The following CACNG8 variants were observed in gnomAD, a reference collection of about 807,000 sequenced individuals.
CACNG8 encodes the protein calcium voltage-gated channel auxiliary subunit gamma 8.
Under a neutral mutation model 26.9 loss-of-function variants are expected in CACNG8, and 5 were observed. The observed-to-expected ratio is 0.19, with a 90% CI of 0.10 to 0.39. The LOEUF (loss-of-function observed/expected upper bound fraction) is 0.39, where lower values mean the gene tolerates loss of function less well. Ranked by LOEUF, CACNG8 falls within the 10% of genes least tolerant of loss-of-function variation. The probability of loss-of-function intolerance (pLI) is 1.00; values close to 1 mark genes in which losing one functional copy is unlikely to be tolerated. For synonymous variants in CACNG8, 321 were observed against 296.7 expected, an observed-to-expected ratio of 1.08 and a Z score of -0.84; for missense variants, 473 against 609.4, an observed-to-expected ratio of 0.78 and a Z score of 2.36.
rs2069376292 is a variant in CACNG8, at chr19:53,982,452, C to T, written c.881C>T (p.Pro294Leu). Residue 294 changes from proline (P) to leucine (L), a missense_variant, in exon 4 of 4, where the codon CCC becomes CTC. By Grantham distance (98) the Pro-to-Leu change is moderately conservative (BLOSUM62 -3). This residue lies in a region of CACNG8 where 212 missense variants were observed against 214.4 expected (regional missense o/e 0.99). Coordinates refer to ENST00000270458, the MANE Select transcript of CACNG8 (RefSeq NM_031895.6). The surrounding 1 kb of genome is among the most constrained non-coding windows in gnomAD (Gnocchi z 8.4). ...TCGCGGGACGCGTCTCCCGGCGGCC[C>T]CGGGGGCCCGGGCTTTGCCTCCACG... The T allele has an allele frequency of 1.3e-6, 2 of 1,516,772 alleles. No individual in the cohort carries two copies. The highest frequency in any genetic ancestry group is 1.8e-6 in the Non-Finnish European group (2 of 1,139,534). 94.0% of individuals were successfully genotyped at this position (1,516,772 alleles called of 1,614,324 possible).
rs560559675 is a variant in CACNG8 at position 53,980,069 on chromosome 19, T to C, written c.508+62T>C. ...ACCTGGGCGCGCACGTGTGTGTGTG[T>C]GTGTGTGTGTGTGTGTGCGCGCGCG... On this transcript the variant is annotated intron_variant, in intron 3 of 3. Transcript: ENST00000270458. The C allele has an allele frequency of 6.3e-6, 9 of 1,418,486 alleles. No individual in the cohort carries two copies. In the South Asian group the frequency reaches 1.2e-4, roughly 18 times the overall value. 87.9% of individuals were successfully genotyped at this position (1,418,486 alleles called of 1,614,324 possible).
At position 53,984,734 on chromosome 19, in the gene CACNG8, T is replaced by C. The variant is rs556386091; in HGVS notation, c.*1885T>C. 1 of 152,252 alleles carries C rather than the reference T, an allele frequency of 6.6e-6. No individual in the cohort carries two copies. The highest frequency in any genetic ancestry group is 6.6e-5 in the Admixed American group (1 of 15,262). The allele number at this position is 152,252 out of a possible 1,614,324, so 9.4% of individuals were successfully genotyped here. A position where few individuals can be genotyped will look rare whatever the true frequency, so the allele number is the denominator to read the frequency against. ...GGGAGGCTGAGGCTGGAGTATCACT[T>C]GAGCCCAGGAGTTTGAGACCAGCCT... On this transcript the variant is annotated 3_prime_UTR_variant, in exon 4 of 4. Transcript: ENST00000270458.
rs1363428380 is a variant in CACNG8, at chr19:53,963,063, AC to A, written c.-71del. 0.015 allele frequency: 9,718 copies of A among 649,096 alleles called. No homozygotes were observed. Among genetic ancestry groups the A allele is most frequent in the East Asian group, 0.024 (436 of 18,098 alleles). 40.2% of individuals were successfully genotyped at this position (649,096 alleles called of 1,614,324 possible). On this transcript the variant is annotated 5_prime_UTR_variant, in exon 1 of 4. Coordinates refer to ENST00000270458, the MANE Select transcript of CACNG8 (RefSeq NM_031895.6). Reference sequence around the variant, plus strand: ...CCCCCCGCTTCTGCCTGCGCTGTGAACCCCCCCCCAGCCGCCGGCACGGCCC... The same window carrying A: ...CCCCCCGCTTCTGCCTGCGCTGTGAACCCCCCCCAGCCGCCGGCACGGCCC...
chr19:53,971,353 C>T (rs1322258749), intron 1 of CACNG8, among the ~76,000 whole-genome samples: 1 of 151,208 alleles, frequency 6.6e-6, no homozygotes, highest in Non-Finnish European at 1.5e-5. Flanking sequence ...TAAAAAGGAA[C>T]AGGTACCCAG....
Position 53,988,172 on chromosome 19 carries a change from T to C in CACNG8, c.*5323T>C, listed in dbSNP as rs1485961739. 6.6e-6 allele frequency: 1 copy of C among 151,200 alleles called. No homozygotes were observed. Among genetic ancestry groups the C allele is most frequent in the African/African-American group, 2.4e-5 (1 of 40,880 alleles). 9.4% of individuals were successfully genotyped at this position (151,200 alleles called of 1,614,324 possible). ...GACAGGGTTGGTGATCTTGATAAGA[T>C]AAGATGTCAGTTCAGTGCAGTGGTG... On this transcript the variant is annotated 3_prime_UTR_variant, in exon 4 of 4. Coordinates refer to ENST00000270458, the MANE Select transcript of CACNG8 (RefSeq NM_031895.6).
At position 53,986,904 on chromosome 19, in the gene CACNG8, A is replaced by C. The variant is rs1437713430; in HGVS notation, c.*4055A>C. On this transcript the variant is annotated 3_prime_UTR_variant, in exon 4 of 4. Transcript: ENST00000270458. Reference sequence around the variant, plus strand: ...CCAGAAAAGTAGCAGGTCTTCGAGGAGGCCTGTGCGGTGAGCAGATCCACC... The same window carrying C: ...CCAGAAAAGTAGCAGGTCTTCGAGGCGGCCTGTGCGGTGAGCAGATCCACC... 6.6e-6 allele frequency: 1 copy of C among 152,232 alleles called. No individual in the cohort carries two copies. Among genetic ancestry groups the C allele is most frequent in the Non-Finnish European group, 1.5e-5 (1 of 68,144 alleles). The allele number at this position is 152,232 out of a possible 1,614,324, so 9.4% of individuals were successfully genotyped here. A position where few individuals can be genotyped will look rare whatever the true frequency, so the allele number is the denominator to read the frequency against.
chr19:53,982,253 A>T lies in CACNG8; in HGVS notation c.682A>T (p.Ile228Phe). The T allele has an allele frequency of 1.2e-6, 2 of 1,612,536 alleles. No individual in the cohort carries two copies. Among genetic ancestry groups the T allele is most frequent in the Non-Finnish European group, 1.7e-6 (2 of 1,179,586 alleles). Residue 228 changes from isoleucine (I) to phenylalanine (F), a missense_variant, in exon 4 of 4, where the codon ATC becomes TTC. Physicochemically the swap from Ile to Phe is conservative, Grantham distance 21. Around this residue, in one of 6 missense-constraint regions of CACNG8, gnomAD observed 155 missense variants for 253.0 expected, o/e 0.61. Transcript: ENST00000270458. This position sits in a 1 kb window ranked among gnomAD's most constrained non-coding sequence, Gnocchi z 8.4. ...AGGCGTGCTGGCCGTCAACATCTAC[A>T]TCGAGCGCAGCCGCGAGGCGCACTG... is the stretch of plus-strand genomic sequence containing the variant.
intron 1 of CACNG8, among the ~76,000 whole-genome samples, chr19:53,975,807 T>G (rs1386112395): frequency 1.3e-5 from 2 of 152,260 alleles, no homozygotes; most frequent in African/African-American, 4.8e-5. Flanking sequence ...TTGAGTTTTG[T>G]TGCCACCATC....
At chr19:53,978,353 C>A (rs928819461) in intron 2 of CACNG8, 124 bp downstream of exon 2, 5 of 693,816 alleles carry the variant, frequency 7.2e-6, no homozygotes, top group Admixed American at 2.4e-5. Context: ...CGAGGTTAGC[C>A]TCCCAGCCAA....
chr19:53,970,757 A>AC (rs889683120), intron 1 of CACNG8, among the ~76,000 whole-genome samples: 42 of 150,028 alleles, frequency 2.8e-4, no homozygotes, highest in African/African-American at 9.4e-4. Context: ...ACATAGGGAG[A>AC]CCCCGCCTGT....
chr19:53,963,588 C>A (rs990990142), intron 1 of CACNG8, among the ~76,000 whole-genome samples, 163 bp downstream of exon 1: 7 of 152,052 alleles, frequency 4.6e-5, no homozygotes, highest in Admixed American at 3.9e-4. Flanking sequence ...GACCTCCTCT[C>A]CCCTCCTTCC....
At chr19:53,975,329 G>T (rs1367113393) in intron 1 of CACNG8, among the ~76,000 whole-genome samples, 1 of 152,046 alleles carries the variant, frequency 6.6e-6, no homozygotes, top group East Asian at 1.9e-4. Context: ...TTTCCCCAAT[G>T]ATTAGTGAAA....
chr19:53,982,858 CG>C lies in CACNG8; in HGVS notation c.*14del. 7.7e-6 allele frequency: 10 copies of C among 1,299,634 alleles called. No homozygotes were observed. Among genetic ancestry groups the C allele is most frequent in the South Asian group, 3.8e-5 (2 of 52,884 alleles). 80.5% of individuals were successfully genotyped at this position (1,299,634 alleles called of 1,614,324 possible). A position where few individuals can be genotyped will look rare whatever the true frequency, so the allele number is the denominator to read the frequency against. Reference sequence around the variant, plus strand: ...AAACCACGCCTGTGTAGGGGCGCGGCGGGGGAGCCGAGGGGCGTGTCCGGGG... The same window carrying C: ...AAACCACGCCTGTGTAGGGGCGCGGCGGGGAGCCGAGGGGCGTGTCCGGGG... On this transcript the variant is annotated 3_prime_UTR_variant, in exon 4 of 4. Coordinates refer to ENST00000270458, the MANE Select transcript of CACNG8 (RefSeq NM_031895.6). This position sits in a 1 kb window ranked among gnomAD's most constrained non-coding sequence, Gnocchi z 8.4.
Position 53,985,191 on chromosome 19 carries a change from T to C in CACNG8, c.*2342T>C, listed in dbSNP as rs2069399704. On this transcript the variant is annotated 3_prime_UTR_variant, in exon 4 of 4. Transcript: ENST00000270458. ...GCCTTGTGCTGGGCGGTGCTGGGAG[T>C]GGAGAGGTGATTTTGATCTTGCCCT... 6.6e-6 allele frequency: 1 copy of C among 151,662 alleles called. No homozygotes were observed. The highest frequency in any genetic ancestry group is 2.1e-4 in the South Asian group (1 of 4,790). The allele number at this position is 151,662 out of a possible 1,614,324, so 9.4% of individuals were successfully genotyped here.
At position 53,983,382 on chromosome 19, in the gene CACNG8, C is replaced by T. The variant is rs1026154935; in HGVS notation, c.*533C>T. On this transcript the variant is annotated 3_prime_UTR_variant, in exon 4 of 4. Coordinates refer to ENST00000270458, the MANE Select transcript of CACNG8 (RefSeq NM_031895.6). ...CATTATTCCACAAGGGCTTATTAAG[C>T]ACCTACTGTGTACCAGGCACTGGTA... The T allele has an allele frequency of 1.3e-5, 2 of 152,186 alleles. No individual in the cohort carries two copies. Among genetic ancestry groups the T allele is most frequent in the African/African-American group, 4.8e-5 (2 of 41,438 alleles). 9.4% of individuals were successfully genotyped at this position (152,186 alleles called of 1,614,324 possible).
At chr19:53,964,209 T>G (rs1238424755) in intron 1 of CACNG8, among the ~76,000 whole-genome samples, 2 of 151,356 alleles carry the variant, frequency 1.3e-5, no homozygotes, top group African/African-American at 4.9e-5. Flanking sequence ...CTCCCGACAT[T>G]TCCCCCCCAG....
rs1600033638 is a variant in CACNG8 at position 53,978,211 on chromosome 19, A to G, written c.349A>G (p.Ser117Gly). The G allele has an allele frequency of 1.2e-6, 2 of 1,612,786 alleles. No individual in the cohort carries two copies. Among genetic ancestry groups the G allele is most frequent in the African/African-American group, 1.3e-5 (1 of 74,916 alleles). The change falls in exon 2 of 4, where the codon AGC (serine) becomes GGC (glycine). Residue 117 changes from serine to glycine, a missense_variant. Transcript: ENST00000270458. ...GGAGGACACGGACTACGACCACGAC[A>G]GCGCGGAGTATCTACTCCGTACGTG...
chr19:53,974,974 G>A (rs1337796389), intron 1 of CACNG8, among the ~76,000 whole-genome samples: 3 of 148,788 alleles, frequency 2.0e-5, no homozygotes, highest in Non-Finnish European at 4.4e-5. Context: ...TTTAGAGATG[G>A]AATCTTGCTC....
chr19:53,965,493 A>G (rs1174023618), intron 1 of CACNG8, among the ~76,000 whole-genome samples: 1 of 151,146 alleles, frequency 6.6e-6, no homozygotes, highest in Admixed American at 6.7e-5. Flanking sequence ...CCAGGCATAG[A>G]GCCAAGTGTG....
Sources: allele counts gnomAD v4.1 joint callset (sites outside exome capture counted in the v4.1 genomes callset), GRCh38; gene constraint gnomAD v4.1.1; regional missense constraint gnomAD v4.1.1; non-coding constraint Gnocchi (gnomAD v3.1); transcripts MANE v1.5; gene names NCBI Gene and HGNC (gene_info 2026-07-23, HGNC 2026-07-21).